The following ADGRV1 variants were observed in gnomAD, a reference collection of about 807,000 sequenced individuals.
ADGRV1 encodes G-protein coupled receptor 98.
In ADGRV1, 359 loss-of-function variants were observed where a neutral mutation model predicts 596.2. The ratio of observed to expected loss-of-function variants is 0.60; its 90% CI spans 0.55 to 0.66. The LOEUF (loss-of-function observed/expected upper bound fraction) is 0.66. ADGRV1 is among the 30% of genes least tolerant of loss of function. The pLI is 0.00. For synonymous variants in ADGRV1, 2,681 were observed against 2,679.2 expected, an observed-to-expected ratio of 1.00 and a Z score of -0.02; for missense variants, 7,274 against 7,575.6, an observed-to-expected ratio of 0.96 and a Z score of 1.48.
Position 90,712,252 on chromosome 5 carries a change from A to G in ADGRV1, c.9043-35A>G, listed in dbSNP as rs1325206813. ...TCTATAGAAACTCACAGTGTATATA[A>G]ATATAATACATTCTGCTTTTACCTT... On this transcript the variant is annotated intron_variant, in intron 41 of 89. Transcript: ENST00000405460. 4 of 1,319,536 alleles carry G rather than the reference A, an allele frequency of 3.0e-6. No individual in the cohort carries two copies. The East Asian group carries it at 1.0e-4, about 34-fold the overall frequency. 81.7% of individuals were successfully genotyped at this position (1,319,536 alleles called of 1,614,324 possible). A position where few individuals can be genotyped will look rare whatever the true frequency, so the allele number is the denominator to read the frequency against.
chr5:90,809,324 A>ACACACACACACACACACACACG (rs1762227101), intron 73 of ADGRV1, among the ~76,000 whole-genome samples: 1 of 151,630 alleles, frequency 6.6e-6, no homozygotes. Context: ...ACACACACAC[A>ACACACACACACACACACACACG]CACGCTCTGT....
chr5:91,004,264 C>T (rs1226434387), intron 85 of ADGRV1, among the ~76,000 whole-genome samples: 1 of 152,010 alleles, frequency 6.6e-6, no homozygotes, highest in Admixed American at 6.6e-5. Flanking sequence ...TATGAGAGAA[C>T]CTGATGAACT....
At position 90,658,217 on chromosome 5, in the gene ADGRV1, C is replaced by A. The variant is rs1282772704; in HGVS notation, c.4691C>A (p.Thr1564Lys). 2.6e-6 allele frequency: 4 copies of A among 1,553,416 alleles called. No homozygotes were observed. Among genetic ancestry groups the A allele is most frequent in the South Asian group, 2.6e-5 (2 of 78,418 alleles). ...ISEENTTARL[T>K]IQKSDNANGL... ...GAAGAAAATACTACTGCAAGATTAA[C>A]AATACAAAAAAGTGACAATGCAAAT... Residue 1564 changes from threonine to lysine, a missense_variant, in exon 21 of 90, where the codon ACA (threonine) becomes AAA (lysine). This residue lies in a region of ADGRV1 where 3,643 missense variants were observed against 3,809.2 expected (regional missense o/e 0.96). Transcript: ENST00000405460.
At chr5:90,672,521 A>G in intron 21 of ADGRV1, 25 bp from the exon 22 acceptor site, 1 of 1,593,796 alleles carries the variant, frequency 6.3e-7, no homozygotes, top group Non-Finnish European at 8.6e-7. Context: ...CTATGCACCT[A>G]TTAATAATTT....
At position 90,854,166 on chromosome 5, in the gene ADGRV1, A is replaced by G; in HGVS notation, c.17559A>G (p.Thr5853=). Residue 5853 remains threonine (T), a synonymous_variant, in exon 81 of 90, where the codon ACA becomes ACG. Coordinates refer to ENST00000405460, the MANE Select transcript of ADGRV1 (RefSeq NM_032119.4). ...YAAEPRIIPQ[T]SLCLLWNQAA... ...CTGAGCCTAGAATTATTCCTCAGAC[A>G]TCTCTGTGTCTCCTTTGGAATCAGG... is the stretch of plus-strand genomic sequence containing the variant. The G allele has an allele frequency of 6.4e-7, 1 of 1,555,654 alleles. No individual in the cohort carries two copies. The highest frequency in any genetic ancestry group is 1.7e-4 in the Middle Eastern group (1 of 5,950).
intron 79 of ADGRV1, among the ~76,000 whole-genome samples, chr5:90,850,125 G>A (rs1420788051): frequency 2.6e-5 from 4 of 152,174 alleles, no homozygotes; most frequent in African/African-American, 9.7e-5. Flanking sequence ...CTGGACACCT[G>A]TGGTCAGAAT....
chr5:90,922,482 C>A (rs374959713), intron 83 of ADGRV1, among the ~76,000 whole-genome samples: 2 of 152,170 alleles, frequency 1.3e-5, no homozygotes. Context: ...GGCTCACTGT[C>A]ACTTACTATG....
At chr5:91,010,812 A>G (rs2151145426) in intron 85 of ADGRV1, among the ~76,000 whole-genome samples, 1 of 152,076 alleles carries the variant, frequency 6.6e-6, no homozygotes, top group African/African-American at 2.4e-5. Context: ...ATTATTAGAC[A>G]AAGTAATATT....
chr5:91,014,022 G>A (rs762004219), intron 85 of ADGRV1, among the ~76,000 whole-genome samples: 30 of 151,820 alleles, frequency 2.0e-4, no homozygotes, highest in Non-Finnish European at 3.7e-4. Context: ...TCCTAGGTAT[G>A]TGGCCTTATT....
At chr5:90,960,967 C>T (rs1777953961) in intron 83 of ADGRV1, among the ~76,000 whole-genome samples, 1 of 152,174 alleles carries the variant, frequency 6.6e-6, no homozygotes, top group Admixed American at 6.5e-5. Context: ...CTAATACTCT[C>T]ATTCTCCTAA....
chr5:90,689,990 A>T lies in ADGRV1; in HGVS notation c.6620A>T (p.Asn2207Ile), dbSNP rs574127323. The T allele has an allele frequency of 1.9e-6, 3 of 1,607,976 alleles. No homozygotes were observed. The highest frequency in any genetic ancestry group is 2.7e-5 in the African/African-American group (2 of 75,016). ...LEESFLVQLM[N>I]ETTGGARLGA... ...GAATCTTTTCTTGTGCAACTGATGAATGAAACAACAGGAGGAGCCAGACTA... is the reference window on the plus strand; with the variant it reads ...GAATCTTTTCTTGTGCAACTGATGATTGAAACAACAGGAGGAGCCAGACTA... Residue 2207 changes from asparagine to isoleucine, a missense_variant, in exon 30 of 90, where the codon AAT becomes ATT. This residue lies in a region of ADGRV1 where 3,643 missense variants were observed against 3,809.2 expected (regional missense o/e 0.96). Coordinates refer to ENST00000405460, the MANE Select transcript of ADGRV1 (RefSeq NM_032119.4).
intron 9 of ADGRV1, 103 bp downstream of exon 9, chr5:90,629,642 G>A (rs188233793): frequency 3.0e-4 from 258 of 873,754 alleles, no homozygotes; most frequent in African/African-American, 2.9e-3. Context: ...TTATTTTGCC[G>A]TCATTTATAT....
chr5:90,729,395 T>A (rs1012554819), intron 49 of ADGRV1, among the ~76,000 whole-genome samples: 5 of 151,996 alleles, frequency 3.3e-5, no homozygotes, highest in African/African-American at 7.2e-5. Flanking sequence ...CTAAAAAAAT[T>A]AAAAAAAATT....
intron 48 of ADGRV1, among the ~76,000 whole-genome samples, chr5:90,728,456 C>T (rs1185304160): frequency 2.0e-5 from 3 of 152,114 alleles, no homozygotes; most frequent in Non-Finnish European, 4.4e-5. Flanking sequence ...TGTATGTGTA[C>T]TTATGTGCAT....
chr5:90,592,783 C>T (rs491241), intron 1 of ADGRV1, among the ~76,000 whole-genome samples: 37,415 of 152,008 alleles, frequency 0.25, 5,396 homozygotes, highest in Non-Finnish European at 0.33. Context: ...AAAAAGTGGG[C>T]GAAGGATATG....
intron 85 of ADGRV1, among the ~76,000 whole-genome samples, chr5:91,071,153 G>A (rs890939628): frequency 6.6e-6 from 1 of 152,134 alleles, no homozygotes; most frequent in South Asian, 2.1e-4. Context: ...GAAGGGAGAG[G>A]GGGTGGAGGG....
At chr5:90,672,901 G>T in intron 22 of ADGRV1, 179 bp downstream of exon 22, 2 of 525,912 alleles carry the variant, frequency 3.8e-6, no homozygotes, top group Non-Finnish European at 3.3e-6. Context: ...TTATCAGGTA[G>T]AGTTAGTTTC....
At position 90,643,861 on chromosome 5, in the gene ADGRV1, G is replaced by A. The variant is rs767494931; in HGVS notation, c.2612G>A (p.Gly871Glu). The A allele has an allele frequency of 1.2e-6, 2 of 1,611,506 alleles. No homozygotes were observed. The highest frequency in any genetic ancestry group is 1.7e-6 in the Non-Finnish European group (2 of 1,178,602). ...CACGGAGAACGGGAAAGCAAGTTGG[G>A]AAGTGCCACCATTGTCAATATAACG... is the stretch of plus-strand genomic sequence containing the variant. ...SSHGERESKL[G>E]SATIVNITIL... Residue 871 changes from glycine to glutamate, a missense_variant, in exon 14 of 90, where the codon GGA (glycine) becomes GAA (glutamate). By Grantham distance (98) the Gly-to-Glu change is moderately conservative (BLOSUM62 -2). This residue lies in a region of ADGRV1 where 1,715 missense variants were observed against 1,708.8 expected (regional missense o/e 1.00). Transcript: ENST00000405460.
intron 1 of ADGRV1, among the ~76,000 whole-genome samples, chr5:90,559,452 A>G (rs1754521260): frequency 6.6e-6 from 1 of 152,180 alleles, no homozygotes; most frequent in Non-Finnish European, 1.5e-5. Flanking sequence ...ACATGGAGCT[A>G]TAGAATAATA....
Sources: allele counts gnomAD v4.1 joint callset (sites outside exome capture counted in the v4.1 genomes callset), GRCh38; gene constraint gnomAD v4.1.1; regional missense constraint gnomAD v4.1.1; transcripts MANE v1.5; gene names NCBI Gene and HGNC (gene_info 2026-07-23, HGNC 2026-07-21).